MYPN: variants seen among roughly 807,000 people sequenced by gnomAD.
The protein encoded by MYPN is myopalladin.
MYPN carries 63 observed loss-of-function variants against 129.4 expected under a neutral mutation model. The ratio of observed to expected loss-of-function variants is 0.49; its 90% confidence interval spans 0.40 to 0.60. MYPN has a LOEUF of 0.60. Among genes scored for constraint, MYPN ranks in the 20% least tolerant of loss-of-function variants. MYPN has a pLI of 0.00. For missense variants in MYPN, 1,596 were observed against 1,635.4 expected (o/e 0.98, Z 0.42); for synonymous variants, 629 against 600.9 (o/e 1.05, Z -0.68).
chr10:68,182,432 T>G (rs971955195), intron 12 of MYPN, among the ~76,000 whole-genome samples: 10 of 138,804 alleles, frequency 7.2e-5, no homozygotes, highest in African/African-American at 2.4e-4. Flanking sequence ...ATATAACACA[T>G]ATATATAACA....
At position 68,210,858 on chromosome 10, in the gene MYPN, C is replaced by A. The variant is rs990768713; in HGVS notation, c.*403C>A. ...GTGACCTTAGGATATGACTAACTCACCAAACAATGCCAAGGAGAAAGGCGG... is the reference window on the plus strand; with the variant it reads ...GTGACCTTAGGATATGACTAACTCAACAAACAATGCCAAGGAGAAAGGCGG... On this transcript the variant is annotated 3_prime_UTR_variant, in exon 20 of 20. Transcript: ENST00000358913. The A allele has an allele frequency of 4.6e-5, 21 of 456,852 alleles. No individual in the cohort carries two copies. The highest frequency in any genetic ancestry group is 3.0e-4 in the African/African-American group (15 of 50,088). 28.3% of individuals were successfully genotyped at this position (456,852 alleles called of 1,614,324 possible).
chr10:68,140,930 G>A (rs1226284972), intron 2 of MYPN, among the ~76,000 whole-genome samples: 2 of 152,206 alleles, frequency 1.3e-5, no homozygotes, highest in Non-Finnish European at 2.9e-5. Context: ...AAATTAGCCA[G>A]GTGTGGCAGC....
intron 1 of MYPN, among the ~76,000 whole-genome samples, chr10:68,100,247 G>A (rs964705954): frequency 6.6e-6 from 1 of 152,196 alleles, no homozygotes; most frequent in African/African-American, 2.4e-5. Flanking sequence ...GGTTAATGTG[G>A]ATGCTGGGTT....
chr10:68,201,331 T>C (rs2043706931), intron 17 of MYPN, among the ~76,000 whole-genome samples: 1 of 152,182 alleles, frequency 6.6e-6, no homozygotes, highest in Non-Finnish European at 1.5e-5. Context: ...TATGAAGCTT[T>C]TATCAAGGCA....
At chr10:68,158,650 T>G in intron 7 of MYPN, 23 bp downstream of exon 7, 1 of 1,502,684 alleles carries the variant, frequency 6.7e-7, no homozygotes, top group Non-Finnish European at 9.2e-7. Flanking sequence ...TTTAAATTAT[T>G]TTCTGATATT....
At chr10:68,193,797 GCACACACACACACACACACACACACA>G (rs368376657) in intron 13 of MYPN, among the ~76,000 whole-genome samples, 116 of 127,702 alleles carry the variant, frequency 9.1e-4, no homozygotes, top group African/African-American at 3.0e-3. Flanking sequence ...ATGTGTATGT[GCACACACACACACACACACACACACA>G]CACACACACA....
At chr10:68,189,964 G>C (rs1328191025) in intron 13 of MYPN, among the ~76,000 whole-genome samples, 1 of 152,142 alleles carries the variant, frequency 6.6e-6, no homozygotes, top group African/African-American at 2.4e-5. Flanking sequence ...TTCCATAGCA[G>C]CTGCACTACT....
intron 15 of MYPN, 127 bp from the exon 16 acceptor site, chr10:68,197,225 C>A (rs1182660650): frequency 4.5e-6 from 4 of 896,590 alleles, no homozygotes; most frequent in African/African-American, 3.5e-5. Flanking sequence ...TATAGTCCAG[C>A]CTCCCCTTTC....
chr10:68,167,052 G>T (rs1204290327), intron 10 of MYPN, among the ~76,000 whole-genome samples: 1 of 151,808 alleles, frequency 6.6e-6, no homozygotes, highest in Non-Finnish European at 1.5e-5. Context: ...AAAAAAAGAT[G>T]GAACCAAAAA....
Position 68,201,987 on chromosome 10 carries a change from A to T in MYPN, c.3652A>T (p.Arg1218Trp). The T allele has an allele frequency of 6.2e-7, 1 of 1,613,998 alleles. No individual in the cohort carries two copies. Among genetic ancestry groups the T allele is most frequent in the Non-Finnish European group, 8.5e-7 (1 of 1,179,958 alleles). Residue 1218 changes from arginine (R) to tryptophan (W), a missense_variant, in exon 18 of 20, where the codon AGG (arginine) becomes TGG (tryptophan). Arg to Trp is a moderately radical substitution (Grantham distance 101). Transcript: ENST00000358913. ...DNETIPCTRE[R>W]ISMHQDTTGY... ...TGAGACCATCCCTTGCACCAGAGAG[A>T]GGATCAGGTACAGCAGCCACCACAT...
At chr10:68,102,783 T>C (rs1384375509), upstream of MYPN, among the ~76,000 whole-genome samples, 1 of 152,220 alleles carries the variant, frequency 6.6e-6, no homozygotes, top group Non-Finnish European at 1.5e-5. Context: ...TGCACAATAT[T>C]GTCAGGCCAG....
chr10:68,099,537 G>A (rs982795753), intron 1 of MYPN, among the ~76,000 whole-genome samples: 1 of 152,062 alleles, frequency 6.6e-6, no homozygotes, highest in African/African-American at 2.4e-5. Context: ...TGTCTCAGGA[G>A]GCTAAGACAT....
chr10:68,197,146 C>T (rs1163474936), intron 15 of MYPN, among the ~76,000 whole-genome samples: 1 of 151,934 alleles, frequency 6.6e-6, no homozygotes, highest in Non-Finnish European at 1.5e-5. Flanking sequence ...TCTCGCAAGA[C>T]AATCCCACAG....
In MYPN at chr10:68,158,579, G is replaced by A. The variant is rs2042921189; in HGVS notation, c.1411G>A (p.Glu471Lys). 1.2e-6 allele frequency: 2 copies of A among 1,607,012 alleles called. No individual in the cohort carries two copies. Among genetic ancestry groups the A allele is most frequent in the African/African-American group, 1.3e-5 (1 of 74,842 alleles). ...APSPKVEWYR[E>K]GTLIEDSPDF... ...ATCTCCTAAGGTTGAGTGGTATAGA[G>A]AAGGGACTTTAATAGAAGATTCTCC... The change falls in exon 7 of 20, where the codon GAA becomes AAA. Residue 471 changes from glutamate (E) to lysine (K), a missense_variant. Transcript: ENST00000358913.
intron 1 of MYPN, among the ~76,000 whole-genome samples, chr10:68,098,834 ACT>A (rs2041969260): frequency 6.6e-6 from 1 of 151,404 alleles, no homozygotes; most frequent in Admixed American, 6.6e-5. Context: ...CAAGAGCAAG[ACT>A]CTGTCTCAAA....
chr10:68,161,816 A>C (rs757843992), intron 8 of MYPN, 64 bp downstream of exon 8: 1 of 1,252,946 alleles, frequency 8.0e-7, no homozygotes. Context: ...AAGAATACAT[A>C]ATGAAGTTAC....
chr10:68,111,578 T>C (rs1238045851), intron 1 of MYPN, among the ~76,000 whole-genome samples: 1 of 152,218 alleles, frequency 6.6e-6, no homozygotes, highest in Non-Finnish European at 1.5e-5. Context: ...ACTATAACAT[T>C]ACCCATTTGC....
upstream of MYPN, among the ~76,000 whole-genome samples, chr10:68,103,293 C>A (rs2041990755): frequency 6.6e-6 from 1 of 152,204 alleles, no homozygotes; most frequent in Non-Finnish European, 1.5e-5. Flanking sequence ...ACAACAGTTT[C>A]ATTCCATTTG....
intron 6 of MYPN, among the ~76,000 whole-genome samples, chr10:68,152,249 T>C (rs1294063896): frequency 4.6e-5 from 7 of 152,166 alleles, no homozygotes; most frequent in Non-Finnish European, 1.0e-4. Context: ...TTATCAGATC[T>C]TATCAGACTT....
Sources: gnomAD v4.1 joint callset for allele counts (sites outside exome capture counted in the v4.1 genomes callset) on GRCh38, gnomAD v4.1.1 for gene constraint, MANE v1.5 for transcripts, NCBI Gene and HGNC (gene_info 2026-07-23, HGNC 2026-07-21) for gene names.